Variants in DOK5 observed in about 807,000 individuals in gnomAD.
The protein encoded by DOK5 is docking protein 5.
DOK5 carries 27 observed loss-of-function variants against 43.3 expected under a neutral mutation model. The ratio of observed to expected loss-of-function variants is 0.62; its 90% CI spans 0.46 to 0.86. DOK5 has a LOEUF of 0.86. DOK5 is among the 40% of genes least tolerant of loss of function. DOK5 has a pLI of 0.00. For missense variants in DOK5, 373 were observed against 392.9 expected, an observed-to-expected ratio of 0.95 and a Z score of 0.43; for synonymous variants, 146 against 140.1, an observed-to-expected ratio of 1.04 and a Z score of -0.30.
At chr20:54,603,903 G>T (rs58298733) in intron 5 of DOK5, among the ~76,000 whole-genome samples, 26,475 of 150,442 alleles carry the variant, frequency 0.18, 4,462 homozygotes, top group African/African-American at 0.44. Context: ...GCCTCAGGGG[G>T]AGGGGGAGGG....
intron 6 of DOK5, among the ~76,000 whole-genome samples, chr20:54,622,500 C>T (rs1388521784): frequency 6.6e-6 from 1 of 152,188 alleles, no homozygotes; most frequent in Non-Finnish European, 1.5e-5. Flanking sequence ...CACAGCTCCT[C>T]CCTGGAGCTG....
chr20:54,594,734 T>C (rs1395116797), intron 5 of DOK5, among the ~76,000 whole-genome samples: 2 of 152,234 alleles, frequency 1.3e-5, no homozygotes, highest in African/African-American at 4.8e-5. Context: ...TAGCTTTTTA[T>C]GGTAATGTTT....
At chr20:54,485,116 G>C (rs1322498357) in intron 1 of DOK5, among the ~76,000 whole-genome samples, 1 of 152,338 alleles carries the variant, frequency 6.6e-6, no homozygotes, top group East Asian at 1.9e-4. Flanking sequence ...CAGATCACAA[G>C]GTCGGGAGTT....
chr20:54,482,454 A>T (rs1328027703), intron 1 of DOK5, among the ~76,000 whole-genome samples: 2 of 152,252 alleles, frequency 1.3e-5, no homozygotes, highest in African/African-American at 4.8e-5. Flanking sequence ...ACAAAGTCAT[A>T]ATCGTAGTAT....
intron 6 of DOK5, among the ~76,000 whole-genome samples, chr20:54,639,664 G>C (rs934212976): frequency 1.3e-5 from 2 of 152,076 alleles, no homozygotes; most frequent in Admixed American, 1.3e-4. Context: ...TAAGTAGGAA[G>C]ACTGTAATCC....
At chr20:54,507,051 C>A (rs1982833095) in intron 1 of DOK5, among the ~76,000 whole-genome samples, 1 of 152,132 alleles carries the variant, frequency 6.6e-6, no homozygotes, top group Non-Finnish European at 1.5e-5. Context: ...CAGTAAACAC[C>A]AGCTGTTAGT....
intron 5 of DOK5, among the ~76,000 whole-genome samples, chr20:54,597,044 G>T (rs1047411637): frequency 6.6e-6 from 1 of 152,226 alleles, no homozygotes; most frequent in African/African-American, 2.4e-5. Context: ...ATGCAATGAG[G>T]TTGGTTCACT....
At chr20:54,535,528 T>A (rs1397431961) in intron 1 of DOK5, among the ~76,000 whole-genome samples, 1 of 112,586 alleles carries the variant, frequency 8.9e-6, no homozygotes, top group Non-Finnish European at 1.8e-5. Context: ...TAATTTGGGA[T>A]TTTTTTTTTT....
chr20:54,613,256 C>T (rs1264234824), intron 6 of DOK5, among the ~76,000 whole-genome samples: 1 of 150,982 alleles, frequency 6.6e-6, no homozygotes. Context: ...CTCTCTCTCT[C>T]GCCATCTCTC....
intron 2 of DOK5, among the ~76,000 whole-genome samples, chr20:54,573,055 G>C (rs1486954226): frequency 6.6e-6 from 1 of 152,148 alleles, no homozygotes; most frequent in African/African-American, 2.4e-5. Flanking sequence ...AGGCAGAAAG[G>C]AATATATATA....
intron 4 of DOK5, among the ~76,000 whole-genome samples, chr20:54,591,022 G>C (rs896706831): frequency 5.3e-5 from 8 of 152,140 alleles, no homozygotes; most frequent in African/African-American, 1.4e-4. Context: ...TCCACTATTT[G>C]GCTAAAGGAA....
intron 2 of DOK5, among the ~76,000 whole-genome samples, chr20:54,581,964 T>C (rs1049479160): frequency 2.6e-5 from 4 of 152,016 alleles, no homozygotes; most frequent in Non-Finnish European, 5.9e-5. Flanking sequence ...ACCTTTTGAC[T>C]TGCTCCTGAT....
intron 1 of DOK5, among the ~76,000 whole-genome samples, chr20:54,530,721 A>G (rs1682734444): frequency 6.6e-6 from 1 of 152,134 alleles, no homozygotes; most frequent in South Asian, 2.1e-4. Flanking sequence ...TGTGCACGTT[A>G]ATAAATTTGT....
chr20:54,507,075 T>G (rs766588641), intron 1 of DOK5, among the ~76,000 whole-genome samples: 83 of 152,340 alleles, frequency 5.4e-4, no homozygotes, highest in Middle Eastern at 6.8e-3. Flanking sequence ...ACATAAAGGA[T>G]TCTATAAAAT....
rs547996203 is a variant in DOK5, at chr20:54,598,423, C to T, written c.599+6618C>T. Among the ~76,000 whole-genome samples, 24 of 152,304 alleles carry T rather than the reference C, an allele frequency of 1.6e-4. No homozygotes were observed. The East Asian group carries it at 4.2e-3, about 27-fold the overall frequency. On this transcript the variant is annotated intron_variant, in intron 5 of 7. Transcript: ENST00000262593. ...ATTTTTTATGGGAAGATCCAATTGA[C>T]ATGAAGTTCTAACTGCAGCAAAATC...
chr20:54,576,307 G>T (rs1388548431), intron 2 of DOK5, among the ~76,000 whole-genome samples: 2 of 151,982 alleles, frequency 1.3e-5, no homozygotes, highest in African/African-American at 2.4e-5. Flanking sequence ...TAAATAAAAT[G>T]GTCATTCACA....
At chr20:54,481,260 C>G (rs1981709070) in intron 1 of DOK5, among the ~76,000 whole-genome samples, 1 of 152,182 alleles carries the variant, frequency 6.6e-6, no homozygotes, top group South Asian at 2.1e-4. Flanking sequence ...GCCTCTGCCT[C>G]CTGGGTTCAA....
intron 2 of DOK5, among the ~76,000 whole-genome samples, chr20:54,586,690 G>A (rs1985813457): frequency 6.6e-6 from 1 of 152,168 alleles, no homozygotes; most frequent in African/African-American, 2.4e-5. Context: ...GTGTTAGGAT[G>A]GGAGGTGTCC....
intron 5 of DOK5, among the ~76,000 whole-genome samples, chr20:54,596,974 C>A (rs1986160738): frequency 6.6e-6 from 1 of 152,180 alleles, no homozygotes. Flanking sequence ...CTACTCTCTG[C>A]TGTCATTATA....
Sources: allele counts gnomAD v4.1 joint callset (sites outside exome capture counted in the v4.1 genomes callset), GRCh38; gene constraint gnomAD v4.1.1; transcripts MANE v1.5; gene names NCBI Gene and HGNC (gene_info 2026-07-23, HGNC 2026-07-21).